Variants in KCNQ3 observed in about 807,000 individuals in gnomAD.
KCNQ3 encodes the protein potassium voltage-gated channel subfamily KQT member 3.
A neutral mutation model predicts 92.5 loss-of-function variants in KCNQ3; 30 were observed. The observed-to-expected ratio is 0.32, with a 90% confidence interval of 0.24 to 0.44. The LOEUF is 0.44. KCNQ3 is among the 20% of genes least tolerant of loss of function. The pLI is 1.00. For missense variants in KCNQ3, 913 were observed against 1,140.3 expected (o/e 0.80, Z 2.87); for synonymous variants, 450 against 468.8 (o/e 0.96, Z 0.52).
chr8:132,153,803 G>A (rs1363661875), intron 9 of KCNQ3, among the ~76,000 whole-genome samples: 2 of 151,986 alleles, frequency 1.3e-5, no homozygotes, highest in African/African-American at 4.8e-5. Flanking sequence ...TGGTCACCAG[G>A]ACTCAGAGAT....
Position 132,468,808 on chromosome 8 carries a change from C to T in KCNQ3, c.386+11339G>A, listed in dbSNP as rs532075837. Reference sequence around the variant, plus strand: ...ATTCAGTATAGAGAGAAGCCCACCTCGGGGGGAAGCCAGCCAGAGCCCACG... The same window carrying T: ...ATTCAGTATAGAGAGAAGCCCACCTTGGGGGGAAGCCAGCCAGAGCCCACG... On this transcript the variant is annotated intron_variant, in intron 1 of 14. Coordinates refer to ENST00000388996, the MANE Select transcript of KCNQ3 (RefSeq NM_004519.4). Among the ~76,000 whole-genome samples, 51 of 152,254 alleles carry T rather than the reference C, an allele frequency of 3.3e-4. 1 individual carries two copies. The highest frequency in any genetic ancestry group is 1.2e-3 in the South Asian group (6 of 4,818).
At chr8:132,416,594 C>T (rs1456720437) in intron 1 of KCNQ3, among the ~76,000 whole-genome samples, 1 of 152,150 alleles carries the variant, frequency 6.6e-6, no homozygotes, top group Non-Finnish European at 1.5e-5. Flanking sequence ...TGCACTCCAG[C>T]CTGCGTGACA....
chr8:132,456,583 T>C (rs114121875), intron 1 of KCNQ3, among the ~76,000 whole-genome samples: 15,358 of 151,938 alleles, frequency 0.1, 836 homozygotes, highest in African/African-American at 0.15. Context: ...AAAGCAATGT[T>C]AGCTTTCTAT....
intron 1 of KCNQ3, among the ~76,000 whole-genome samples, chr8:132,443,619 G>C (rs1391850056): frequency 6.6e-6 from 1 of 152,124 alleles, no homozygotes; most frequent in East Asian, 1.9e-4. Context: ...GATACACAAG[G>C]CTGATTTGGA....
chr8:132,262,406 A>G (rs1405540477), intron 1 of KCNQ3, among the ~76,000 whole-genome samples: 1 of 152,210 alleles, frequency 6.6e-6, no homozygotes, highest in Non-Finnish European at 1.5e-5. Flanking sequence ...ATAAAGATGT[A>G]AAAAACAAAT....
intron 1 of KCNQ3, among the ~76,000 whole-genome samples, chr8:132,317,830 CAG>C: frequency 6.6e-6 from 1 of 152,246 alleles, no homozygotes; most frequent in South Asian, 2.1e-4. Context: ...GATTCATGCT[CAG>C]AGAGAGTGAT....
chr8:132,459,837 A>T (rs1822023261), intron 1 of KCNQ3, among the ~76,000 whole-genome samples: 1 of 151,564 alleles, frequency 6.6e-6, no homozygotes, highest in African/African-American at 2.4e-5. Flanking sequence ...TATCTACATA[A>T]ATTAGTTGGA....
At chr8:132,446,995 T>C (rs188655925) in intron 1 of KCNQ3, among the ~76,000 whole-genome samples, 374 of 152,268 alleles carry the variant, frequency 2.5e-3, no homozygotes, top group African/African-American at 8.3e-3. Context: ...GAATGTCCAA[T>C]TCATCTCATT....
chr8:132,204,106 C>T (rs192612024), intron 1 of KCNQ3, among the ~76,000 whole-genome samples: 3 of 152,266 alleles, frequency 2.0e-5, no homozygotes, highest in East Asian at 3.9e-4. Context: ...ATTTTAGAGA[C>T]GTCAAAGTGG....
intron 1 of KCNQ3, among the ~76,000 whole-genome samples, chr8:132,353,709 G>C (rs1245337194): frequency 1.3e-5 from 2 of 152,146 alleles, no homozygotes; most frequent in African/African-American, 2.4e-5. Context: ...AGCTACTCAG[G>C]AGGCTGAGGC....
chr8:132,449,244 T>C (rs933428051), intron 1 of KCNQ3, among the ~76,000 whole-genome samples: 2 of 152,300 alleles, frequency 1.3e-5, no homozygotes, highest in East Asian at 1.9e-4. Flanking sequence ...ACCATGTGTA[T>C]GCCTGCCTCC....
intron 1 of KCNQ3, among the ~76,000 whole-genome samples, chr8:132,394,160 A>G (rs779444883): frequency 6.6e-5 from 10 of 152,236 alleles, no homozygotes; most frequent in Non-Finnish European, 1.5e-4. Context: ...AAGTACTCTC[A>G]GGGCCTTCTA....
At position 132,460,729 on chromosome 8, in the gene KCNQ3, C is replaced by A. The variant is rs977630474; in HGVS notation, c.386+19418G>T. Among the ~76,000 whole-genome samples the A allele has an allele frequency of 5.3e-5, 8 of 152,294 alleles. 1 individual carries two copies. The South Asian group carries it at 6.2e-4, about 12-fold the overall frequency. On this transcript the variant is annotated intron_variant, in intron 1 of 14. Transcript: ENST00000388996. The stretch of plus-strand genomic sequence containing the variant: ...TCCCTTCCTGGGGTTCCGTGACCTC[C>A]TAAATAATTTTTTAAATTTACAAAC...
At chr8:132,154,196 T>G (rs1825728830) in intron 9 of KCNQ3, among the ~76,000 whole-genome samples, 1 of 23,710 alleles carries the variant, frequency 4.2e-5, no homozygotes, top group South Asian at 5.7e-4. Context: ...GGTAAAAGTT[T>G]TTTTTTTTTT....
At position 132,235,432 on chromosome 8, in the gene KCNQ3, G is replaced by A. The variant is rs559231832; in HGVS notation, c.387-49251C>T. On this transcript the variant is annotated intron_variant, in intron 1 of 14. Transcript: ENST00000388996. ...GCAAGAGAATTGCTTGAACCTGGGA[G>A]GGAGGTTGCAGTGAGCTGAGATCAC... Among the ~76,000 whole-genome samples, 3 of 152,240 alleles carry A rather than the reference G, an allele frequency of 2.0e-5. No homozygotes were observed. In the East Asian group the frequency reaches 5.8e-4, roughly 29 times the overall value.
chr8:132,479,949 A>AACACACACACACACACACACACACAC (rs371967111), intron 1 of KCNQ3, among the ~76,000 whole-genome samples, 198 bp downstream of exon 1: 2 of 137,180 alleles, frequency 1.5e-5, no homozygotes, highest in African/African-American at 2.7e-5. Context: ...GGAGAGCGGC[A>AACACACACACACACACACACACACAC]ACACACACAC....
intron 1 of KCNQ3, among the ~76,000 whole-genome samples, chr8:132,317,155 C>A (rs1253800702): frequency 4.6e-5 from 7 of 152,192 alleles, no homozygotes; most frequent in Admixed American, 4.6e-4. Flanking sequence ...GAGCACCCAG[C>A]AAACTCTCTG....
At chr8:132,403,740 C>T (rs957518949) in intron 1 of KCNQ3, among the ~76,000 whole-genome samples, 3 of 152,226 alleles carry the variant, frequency 2.0e-5, no homozygotes, top group African/African-American at 4.8e-5. Flanking sequence ...CCCCGGGCCT[C>T]TGGTTTGCTC....
At chr8:132,189,643 G>T (rs1479979671) in intron 1 of KCNQ3, among the ~76,000 whole-genome samples, 5 of 151,922 alleles carry the variant, frequency 3.3e-5, no homozygotes, top group African/African-American at 1.2e-4. Flanking sequence ...CCTGACCAAC[G>T]TGGAGAAACT....
Sources: allele counts gnomAD v4.1 joint callset (sites outside exome capture counted in the v4.1 genomes callset), GRCh38; gene constraint gnomAD v4.1.1; transcripts MANE v1.5; gene names NCBI Gene and HGNC (gene_info 2026-07-23, HGNC 2026-07-21).